The following PLEKHM1 variants were observed in gnomAD, a reference collection of about 807,000 sequenced individuals.
PLEKHM1 encodes pleckstrin homology domain-containing family M member 1.
PLEKHM1 carries 28 observed loss-of-function variants against 94.3 expected under a neutral mutation model. The observed-to-expected ratio is 0.30, with a 90% CI of 0.22 to 0.41. PLEKHM1 has a LOEUF of 0.41. PLEKHM1 is among the 10% of genes least tolerant of loss of function. The pLI, the probability that PLEKHM1 is intolerant of heterozygous loss-of-function variation, is 1.00. For synonymous variants in PLEKHM1, 424 were observed against 581.2 expected (o/e 0.73, Z 3.89); for missense variants, 907 against 1,358.6 (o/e 0.67, Z 5.22).
In PLEKHM1 at chr17:45,458,281, G is replaced by A. The variant is rs1305377111; in HGVS notation, c.1467C>T (p.Cys489=). 2 of 1,611,892 alleles carry A rather than the reference G, an allele frequency of 1.2e-6. No homozygotes were observed. ...ACGCTTGGTCTAACGCCCCCAGGGAGCAGTTTTTTCTTGGTTCTTGAGAAA... is the reference window on the plus strand; with the variant it reads ...ACGCTTGGTCTAACGCCCCCAGGGAACAGTTTTTTCTTGGTTCTTGAGAAA... ...RHFSQEPRKN[C]SLGALDQACV... Residue 489 remains cysteine, a synonymous_variant, in exon 6 of 12, where the codon TGC becomes TGT. Transcript: ENST00000430334.
At chr17:45,464,134 C>G (rs1357288804) in intron 5 of PLEKHM1, 1 of 152,224 alleles carries the variant, frequency 6.6e-6, no homozygotes, top group Non-Finnish European at 1.5e-5. Flanking sequence ...TCACAACCCC[C>G]AGATCCCAGA....
rs533387603 is a variant in PLEKHM1 at position 45,488,085 on chromosome 17, G to A, written c.-42+2567C>T. Among the ~76,000 whole-genome samples the A allele has an allele frequency of 1.1e-4, 16 of 152,342 alleles. No homozygotes were observed. In the East Asian group the frequency reaches 2.5e-3, roughly 24 times the overall value. ...GAGTGGTGGGGGTTGGAGCTTTGAA[G>A]CAATTAAATACCAGATGAAGGGTGA... On this transcript the variant is annotated intron_variant, in intron 1 of 11. Transcript: ENST00000430334.
intron 1 of PLEKHM1, among the ~76,000 whole-genome samples, chr17:45,489,810 G>T: frequency 6.6e-6 from 1 of 152,180 alleles, no homozygotes; most frequent in Non-Finnish European, 1.5e-5. Flanking sequence ...AATGGGAGTT[G>T]GGTCGAGGGA....
intron 5 of PLEKHM1, among the ~76,000 whole-genome samples, chr17:45,462,757 G>C (rs1258171536): frequency 6.6e-6 from 1 of 152,176 alleles, no homozygotes; most frequent in Non-Finnish European, 1.5e-5. Context: ...AAGTGGACTG[G>C]AAGGAAGGAG....
At chr17:45,481,790 C>A (rs948922179) in intron 2 of PLEKHM1, among the ~76,000 whole-genome samples, 1 of 152,154 alleles carries the variant, frequency 6.6e-6, no homozygotes, top group African/African-American at 2.4e-5. Context: ...CAGTTTCTTT[C>A]AAGCAGAGTT....
At chr17:45,439,338 AC>A (rs2050366095) in intron 11 of PLEKHM1, 138 bp downstream of exon 11, 5 of 960,358 alleles carry the variant, frequency 5.2e-6, no homozygotes, top group Non-Finnish European at 6.4e-6. Context: ...CAACTGCACC[AC>A]CCCTTGGCAC....
At chr17:45,438,640 T>G (rs968789421) in intron 11 of PLEKHM1, among the ~76,000 whole-genome samples, 1 of 152,130 alleles carries the variant, frequency 6.6e-6, no homozygotes, top group Non-Finnish European at 1.5e-5. Flanking sequence ...CACTGCAACC[T>G]CTGCCTCCCG....
intron 11 of PLEKHM1, among the ~76,000 whole-genome samples, 182 bp from the exon 12 acceptor site, chr17:45,438,151 G>A (rs997191002): frequency 5.5e-4 from 83 of 152,238 alleles, no homozygotes; most frequent in Admixed American, 1.6e-3. Context: ...TTACCCATAC[G>A]TCACACAATG....
At chr17:45,463,222 T>C (rs1484346227) in intron 5 of PLEKHM1, among the ~76,000 whole-genome samples, 1 of 152,160 alleles carries the variant, frequency 6.6e-6, no homozygotes, top group Non-Finnish European at 1.5e-5. Context: ...GGAACATCTT[T>C]TACTCTCTTA....
At chr17:45,446,908 A>G (rs1259868917) in intron 8 of PLEKHM1, among the ~76,000 whole-genome samples, 1 of 152,138 alleles carries the variant, frequency 6.6e-6, no homozygotes, top group Non-Finnish European at 1.5e-5. Flanking sequence ...TAAAATGGGG[A>G]AAATGAGAGC....
In PLEKHM1 at chr17:45,445,602, T is replaced by A. The variant is rs202150970; in HGVS notation, c.2705A>T (p.Gln902Leu). Reference sequence around the variant, plus strand: ...CTCGTACAGAGACGCGTTCACCATCTGCAGGTTGATGAGGGGCTGGGCCCG... The same window carrying A: ...CTCGTACAGAGACGCGTTCACCATCAGCAGGTTGATGAGGGGCTGGGCCCG... Reference protein sequence around the residue: ...QIRAQPLINLQMVNASLYEHV... With the variant: ...QIRAQPLINLLMVNASLYEHV... Residue 902 changes from glutamine (Q) to leucine (L), a missense_variant, in exon 9 of 12, where the codon CAG becomes CTG. Gln to Leu is a moderately radical substitution (Grantham distance 113). Coordinates refer to ENST00000430334, the MANE Select transcript of PLEKHM1 (RefSeq NM_014798.3). This position sits in a 1 kb window ranked among gnomAD's most constrained non-coding sequence, Gnocchi z 4.2. 720 of 1,613,744 alleles carry A rather than the reference T, an allele frequency of 4.5e-4. 8 individuals are homozygous for A. In the South Asian group the frequency reaches 5.9e-3, roughly 13 times the overall value.
chr17:45,442,541 G>C (rs1356073730), intron 9 of PLEKHM1, among the ~76,000 whole-genome samples: 1 of 152,158 alleles, frequency 6.6e-6, no homozygotes, highest in Non-Finnish European at 1.5e-5. Context: ...TAGTAGCTGG[G>C]ATTACAGGTG....
chr17:45,457,802 G>A (rs1295876805), intron 6 of PLEKHM1, among the ~76,000 whole-genome samples: 1 of 152,154 alleles, frequency 6.6e-6, no homozygotes, highest in Non-Finnish European at 1.5e-5. Context: ...ACTACTGAGG[G>A]TAAACACGTT....
intron 4 of PLEKHM1, among the ~76,000 whole-genome samples, chr17:45,472,921 G>C (rs2051563936): frequency 6.6e-6 from 1 of 152,172 alleles, no homozygotes; most frequent in Non-Finnish European, 1.5e-5. Flanking sequence ...TCCCAAACAC[G>C]TGGGACCTTC....
chr17:45,487,120 AG>A (rs1184611015), intron 1 of PLEKHM1, among the ~76,000 whole-genome samples: 1 of 152,212 alleles, frequency 6.6e-6, no homozygotes, highest in Non-Finnish European at 1.5e-5. Flanking sequence ...AAATCTTAGC[AG>A]GGGAAAGGTG....
At chr17:45,485,215 A>G (rs2052073184) in intron 1 of PLEKHM1, among the ~76,000 whole-genome samples, 1 of 151,650 alleles carries the variant, frequency 6.6e-6, no homozygotes, top group South Asian at 2.1e-4. Context: ...TGTATGCTGC[A>G]GTGACTCTGC....
Position 45,444,158 on chromosome 17 carries a change from C to T in PLEKHM1, c.2837+1312G>A, listed in dbSNP as rs570456409. On this transcript the variant is annotated intron_variant, in intron 9 of 11. Coordinates refer to ENST00000430334, the MANE Select transcript of PLEKHM1 (RefSeq NM_014798.3). The surrounding 1 kb of genome is among the most constrained non-coding windows in gnomAD (Gnocchi z 5.0). ...GTCTTCAGAGAGGCGCTCTCTGGGC[C>T]AGCCCTGTGGGGAGGGAAGGCCAGA... is the stretch of plus-strand genomic sequence containing the variant. Among the ~76,000 whole-genome samples the T allele has an allele frequency of 1.5e-4, 23 of 152,142 alleles. No homozygotes were observed. Among genetic ancestry groups the T allele is most frequent in the Non-Finnish European group, 3.1e-4 (21 of 68,026 alleles).
intron 5 of PLEKHM1, among the ~76,000 whole-genome samples, chr17:45,466,564 C>T (rs1372483543): frequency 6.6e-6 from 1 of 152,196 alleles, no homozygotes; most frequent in Admixed American, 6.5e-5. Context: ...AACACATACA[C>T]ATACAACTCA....
chr17:45,436,123 G>GC lies in PLEKHM1; in HGVS notation c.*1734dup. Reference sequence around the variant, plus strand: ...AGCACTGGCAGCTTCTGGGGAACGGGCCCCCCAGGGCCTCAAACCTGCTGC... The same window carrying GC: ...AGCACTGGCAGCTTCTGGGGAACGGGCCCCCCCAGGGCCTCAAACCTGCTGC... On this transcript the variant is annotated 3_prime_UTR_variant, in exon 12 of 12. Transcript: ENST00000430334. 3 of 456,300 alleles carry GC rather than the reference G, an allele frequency of 6.6e-6. No individual in the cohort carries two copies. The highest frequency in any genetic ancestry group is 1.3e-5 in the Non-Finnish European group (3 of 226,966). 28.3% of individuals were successfully genotyped at this position (456,300 alleles called of 1,614,324 possible). A position where few individuals can be genotyped will look rare whatever the true frequency, so the allele number is the denominator to read the frequency against.
Sources: allele counts gnomAD v4.1 joint callset (sites outside exome capture counted in the v4.1 genomes callset), GRCh38; gene constraint gnomAD v4.1.1; non-coding constraint Gnocchi (gnomAD v3.1); transcripts MANE v1.5; gene names NCBI Gene and HGNC (gene_info 2026-07-23, HGNC 2026-07-21).